Variants in UNC93A observed in about 807,000 individuals in gnomAD.
UNC93A encodes N-acetylglucosamine transporter UNC93A.
UNC93A carries 43 observed loss-of-function variants against 47.5 expected under a neutral mutation model. That is an observed-to-expected ratio of 0.91 (90% CI 0.71 to 1.17). The LOEUF is 1.17. Ranked by LOEUF, UNC93A falls within the 50% of genes most tolerant of loss-of-function variation. UNC93A has a pLI of 0.00. For synonymous variants in UNC93A, 280 were observed against 258.0 expected, an observed-to-expected ratio of 1.09 and a Z score of -0.82; for missense variants, 605 against 577.6, an observed-to-expected ratio of 1.05 and a Z score of -0.49.
At chr6:167,291,985 C>G (rs1002353208) in intron 1 of UNC93A, among the ~76,000 whole-genome samples, 2 of 152,186 alleles carry the variant, frequency 1.3e-5, no homozygotes, top group African/African-American at 4.8e-5. Flanking sequence ...CTTATACATT[C>G]CAAGCCTACT....
chr6:167,270,347 A>C (rs1783431959), upstream of UNC93A, among the ~76,000 whole-genome samples: 1 of 152,150 alleles, frequency 6.6e-6, no homozygotes, highest in African/African-American at 2.4e-5. Flanking sequence ...CCATCTCTTA[A>C]CAAACTGGCC....
intron 4 of UNC93A, among the ~76,000 whole-genome samples, chr6:167,302,525 T>A (rs1189986164): frequency 6.6e-6 from 1 of 152,076 alleles, no homozygotes; most frequent in African/African-American, 2.4e-5. Flanking sequence ...TGCAATGGTA[T>A]CACAGACGGC....
chr6:167,301,910 C>T (rs1778250663), intron 4 of UNC93A, among the ~76,000 whole-genome samples: 1 of 152,088 alleles, frequency 6.6e-6, no homozygotes, highest in Non-Finnish European at 1.5e-5. Context: ...TGACAACCTG[C>T]CAGACCACAT....
At chr6:167,294,443 C>T (rs1777988785) in intron 1 of UNC93A, 74 bp from the exon 2 acceptor site, 2 of 1,548,526 alleles carry the variant, frequency 1.3e-6, no homozygotes, top group Non-Finnish European at 1.8e-6. Context: ...GCCTGGGGGA[C>T]ACTGAGGACC....
chr6:167,303,271 A>G (rs2115155047), intron 4 of UNC93A, among the ~76,000 whole-genome samples: 1 of 152,282 alleles, frequency 6.6e-6, no homozygotes, highest in African/African-American at 2.4e-5. Context: ...GTCCTTTCTT[A>G]CTAAATTCAA....
intron 1 of UNC93A, among the ~76,000 whole-genome samples, chr6:167,292,964 G>A (rs1258767587): frequency 2.0e-5 from 3 of 152,136 alleles, no homozygotes; most frequent in East Asian, 1.9e-4. Flanking sequence ...TGGTGGATCC[G>A]CTGTGGCTCA....
At chr6:167,293,722 G>A (rs1365649021) in intron 1 of UNC93A, among the ~76,000 whole-genome samples, 5 of 152,156 alleles carry the variant, frequency 3.3e-5, no homozygotes, top group Admixed American at 2.6e-4. Flanking sequence ...CCTCACCCTG[G>A]TCTGGACTAG....
At chr6:167,298,138 C>G in intron 4 of UNC93A, 68 bp downstream of exon 4, 1 of 1,554,302 alleles carries the variant, frequency 6.4e-7, no homozygotes, top group East Asian at 2.3e-5. Flanking sequence ...CCTGGGCTGA[C>G]AAAGACTGTC....
upstream of UNC93A, among the ~76,000 whole-genome samples, chr6:167,269,396 T>C (rs1456081418): frequency 6.6e-6 from 1 of 152,154 alleles, no homozygotes; most frequent in Non-Finnish European, 1.5e-5. Flanking sequence ...TTGAGAAATT[T>C]TGGTGATTTT....
chr6:167,283,390 A>G (rs1426438326), intron 1 of UNC93A, among the ~76,000 whole-genome samples: 1 of 152,082 alleles, frequency 6.6e-6, no homozygotes, highest in African/African-American at 2.4e-5. Flanking sequence ...AGGAGGGTAT[A>G]ATGAGGCACA....
chr6:167,287,218 T>C (rs1783752451), upstream of UNC93A, among the ~76,000 whole-genome samples: 1 of 152,086 alleles, frequency 6.6e-6, no homozygotes, highest in African/African-American at 2.4e-5. Flanking sequence ...CTGGATCTTT[T>C]CCACCCAAAG....
intron 5 of UNC93A, among the ~76,000 whole-genome samples, chr6:167,304,761 G>C (rs145672411): frequency 0.01 from 1,560 of 152,148 alleles, 40 homozygotes; most frequent in African/African-American, 0.036. Context: ...GTAGAGACAG[G>C]GTTTCTCCAT....
intron 4 of UNC93A, chr6:167,298,285 G>C: frequency 1.6e-6 from 1 of 616,072 alleles, no homozygotes; most frequent in Middle Eastern, 4.9e-4. Context: ...CTGGGGTGAT[G>C]AGATTGTTAT....
At chr6:167,284,794 G>T (rs1004710194) in intron 1 of UNC93A, among the ~76,000 whole-genome samples, 10 of 151,704 alleles carry the variant, frequency 6.6e-5, no homozygotes, top group Non-Finnish European at 1.5e-4. Flanking sequence ...GGGACTCTGA[G>T]GGCGGTCGCC....
chr6:167,276,736 G>T (rs952268986), intron 1 of UNC93A, among the ~76,000 whole-genome samples: 5 of 151,898 alleles, frequency 3.3e-5, no homozygotes, highest in African/African-American at 1.2e-4. Context: ...TACTGCTGTT[G>T]TTTGTCCTCC....
chr6:167,273,386 C>T (rs1047187837), intron 1 of UNC93A, among the ~76,000 whole-genome samples: 3 of 152,180 alleles, frequency 2.0e-5, no homozygotes, highest in Non-Finnish European at 4.4e-5. Context: ...CCCAGCCATG[C>T]CTCCTCATTG....
rs978453567 is a variant in UNC93A at position 167,295,742 on chromosome 6, C to A, written c.270-290C>A. The stretch of plus-strand genomic sequence containing the variant: ...CTCCTCGCCTTCCTCGTGCTCCTCG[C>A]CTCCCTCGTGCTCCTCACCTTGTTG... On this transcript the variant is annotated intron_variant, in intron 2 of 7. Transcript: ENST00000230256. Among the ~76,000 whole-genome samples the A allele has an allele frequency of 2.0e-4, 30 of 148,290 alleles. 1 individual carries two copies. The highest frequency in any genetic ancestry group is 2.8e-4 in the African/African-American group (11 of 38,990).
At chr6:167,315,045 T>A in intron 7 of UNC93A, 142 bp from the exon 8 acceptor site, 1 of 1,243,396 alleles carries the variant, frequency 8.0e-7, no homozygotes, top group Non-Finnish European at 1.1e-6. Context: ...TCATCTGGCA[T>A]GTAAAATCAT....
At chr6:167,284,763 C>T (rs947666177) in intron 1 of UNC93A, among the ~76,000 whole-genome samples, 7 of 152,238 alleles carry the variant, frequency 4.6e-5, no homozygotes, top group Admixed American at 3.3e-4. Context: ...GTCCCGTGTC[C>T]GGGGTGCAGA....
Sources: gnomAD v4.1 joint callset for allele counts (sites outside exome capture counted in the v4.1 genomes callset) on GRCh38, gnomAD v4.1.1 for gene constraint, MANE v1.5 for transcripts, NCBI Gene and HGNC (gene_info 2026-07-23, HGNC 2026-07-21) for gene names.